SNRPA: variants seen among roughly 807,000 people sequenced by gnomAD.
SNRPA encodes the protein small nuclear ribonucleoprotein polypeptide A.
In SNRPA, 10 loss-of-function variants were observed where a neutral mutation model predicts 24.5. The observed-to-expected ratio is 0.41, with a 90% CI of 0.25 to 0.69. The LOEUF (loss-of-function observed/expected upper bound fraction) is 0.69, where lower values mean the gene tolerates loss of function less well. Among genes scored for constraint, SNRPA ranks in the 30% least tolerant of loss-of-function variants. SNRPA has a pLI of 0.33. For missense variants in SNRPA, 283 were observed against 394.7 expected (o/e 0.72, Z 2.40); for synonymous variants, 165 against 148.4 (o/e 1.11, Z -0.81).
At chr19:40,760,636 CA>C (rs1196011561) in intron 3 of SNRPA, among the ~76,000 whole-genome samples, 1 of 152,118 alleles carries the variant, frequency 6.6e-6, no homozygotes, top group Non-Finnish European at 1.5e-5. Context: ...CCTGCATGAC[CA>C]GGGGAAGCTC....
chr19:40,756,779 C>T (rs1170624013), intron 1 of SNRPA, among the ~76,000 whole-genome samples: 3 of 152,062 alleles, frequency 2.0e-5, no homozygotes, highest in East Asian at 1.9e-4. Context: ...GAAATTTAGA[C>T]GTCGTGGTCA....
At chr19:40,752,206 G>A (rs1223004405) in intron 1 of SNRPA, among the ~76,000 whole-genome samples, 1 of 151,930 alleles carries the variant, frequency 6.6e-6, no homozygotes, top group African/African-American at 2.4e-5. Flanking sequence ...GCATGGTGGC[G>A]CATGCCTATA....
rs2082857605 is a variant in SNRPA, at chr19:40,751,333, G to C, written c.-76G>C. 8.8e-7 allele frequency: 1 copy of C among 1,142,764 alleles called. No homozygotes were observed. Among genetic ancestry groups the C allele is most frequent in the Non-Finnish European group, 1.3e-6 (1 of 751,042 alleles). The allele number at this position is 1,142,764 out of a possible 1,614,324, so 70.8% of individuals were successfully genotyped here. A position where few individuals can be genotyped will look rare whatever the true frequency, so the allele number is the denominator to read the frequency against. On this transcript the variant is annotated 5_prime_UTR_variant, in exon 1 of 6. Transcript: ENST00000243563. ...GAAGATCCTTGAGCAGCCGACGTTG[G>C]GACAAAGGATTTGGAGAAACCCAGG...
chr19:40,761,567 A>G (rs1429042629), intron 3 of SNRPA, among the ~76,000 whole-genome samples: 1 of 144,470 alleles, frequency 6.9e-6, no homozygotes, highest in African/African-American at 2.6e-5. Flanking sequence ...CCTGGGTTCA[A>G]GCGAGTCTCC....
intron 1 of SNRPA, among the ~76,000 whole-genome samples, chr19:40,754,052 T>C (rs369966010): frequency 1.0e-4 from 15 of 149,452 alleles, no homozygotes; most frequent in African/African-American, 3.7e-4. Context: ...CTGCCCACCT[T>C]GGCCTCCAAA....
chr19:40,759,600 G>A lies in SNRPA; in HGVS notation c.416G>A (p.Gly139Glu). 1 of 1,602,838 alleles carries A rather than the reference G, an allele frequency of 6.2e-7. No individual in the cohort carries two copies. The change falls in exon 3 of 6, where the codon GGG becomes GAG. Residue 139 changes from glycine to glutamate, a missense_variant. Coordinates refer to ENST00000243563, the MANE Select transcript of SNRPA (RefSeq NM_004596.5). ...ACCCCCGTGGTGGGGGCTGTCCAGG[G>A]GCCTGTCCCGGTAAGCCAGGTCCCG... The part of the protein sequence containing the change: ...GATPVVGAVQ[G>E]PVPGMPPMTQ...
Position 40,757,336 on chromosome 19 carries a change from A to G in SNRPA, c.78A>G (p.Leu26=), listed in dbSNP as rs1277363213. The change falls in exon 2 of 6, where the codon CTA becomes CTG. Residue 26 remains leucine, a synonymous_variant. Coordinates refer to ENST00000243563, the MANE Select transcript of SNRPA (RefSeq NM_004596.5). The part of the protein sequence containing the change: ...NLNEKIKKDE[L]KKSLYAIFSQ... ...TCTTTTTTTCCCCCACTGCAGAGCT[A>G]AAAAAGTCCCTGTACGCCATCTTCT... is the stretch of plus-strand genomic sequence containing the variant. 1 of 1,613,690 alleles carries G rather than the reference A, an allele frequency of 6.2e-7. No homozygotes were observed. The highest frequency in any genetic ancestry group is 8.5e-7 in the Non-Finnish European group (1 of 1,179,828).
At position 40,756,023 on chromosome 19, in the gene SNRPA, G is replaced by A. The variant is rs565309366; in HGVS notation, c.74-1309G>A. Among the ~76,000 whole-genome samples, 11 of 152,276 alleles carry A rather than the reference G, an allele frequency of 7.2e-5. No individual in the cohort carries two copies. In the East Asian group the frequency reaches 2.1e-3, roughly 29 times the overall value. ...GCGATGACTCATGCCTGTAATCCCA[G>A]CACTTTGGGGAAGCCAAGGCAGGAG... On this transcript the variant is annotated intron_variant, in intron 1 of 5. Coordinates refer to ENST00000243563, the MANE Select transcript of SNRPA (RefSeq NM_004596.5).
Position 40,751,531 on chromosome 19 carries a change from C to T in SNRPA, c.73+50C>T, listed in dbSNP as rs747453852. 6.0e-6 allele frequency: 8 copies of T among 1,339,720 alleles called. No individual in the cohort carries two copies. In the South Asian group the frequency reaches 8.2e-5, roughly 14 times the overall value. 83.0% of individuals were successfully genotyped at this position (1,339,720 alleles called of 1,614,324 possible). On this transcript the variant is annotated intron_variant, in intron 1 of 5. Transcript: ENST00000243563. ...TCCAGACTGTCCCGCACGGGCTGGC[C>T]CCTCTTCCGTCCCCTGCACCCGCCT...
At chr19:40,762,664 T>G (rs2082937685) in intron 3 of SNRPA, among the ~76,000 whole-genome samples, 1 of 152,160 alleles carries the variant, frequency 6.6e-6, no homozygotes, top group Non-Finnish European at 1.5e-5. Context: ...AGTCTTGACC[T>G]CCTGTGCTCA....
At position 40,762,942 on chromosome 19, in the gene SNRPA, C is replaced by T. The variant is rs201615676; in HGVS notation, c.468C>T (p.His156=). 3.7e-6 allele frequency: 6 copies of T among 1,613,920 alleles called. No individual in the cohort carries two copies. The highest frequency in any genetic ancestry group is 1.7e-4 in the Middle Eastern group (1 of 6,054). The stretch of plus-strand genomic sequence containing the variant: ...CTCAGGCGCCCCGCATTATGCACCA[C>T]ATGCCGGGCCAGCCGCCCTACATGC... ...PMTQAPRIMH[H]MPGQPPYMPP... is the part of the protein sequence containing the mutation. The change falls in exon 4 of 6, where the codon CAC becomes CAT. Residue 156 remains histidine (H), a synonymous_variant. Coordinates refer to ENST00000243563, the MANE Select transcript of SNRPA (RefSeq NM_004596.5).
At chr19:40,756,403 C>T (rs780337751) in intron 1 of SNRPA, among the ~76,000 whole-genome samples, 3 of 151,988 alleles carry the variant, frequency 2.0e-5, no homozygotes, top group Non-Finnish European at 4.4e-5. Flanking sequence ...CAAGACCAGC[C>T]TGGGCAACAT....
chr19:40,751,629 C>A, intron 1 of SNRPA, 148 bp downstream of exon 1: 3 of 678,994 alleles, frequency 4.4e-6, no homozygotes, highest in Non-Finnish European at 5.4e-6. Context: ...TTCCTGTCTT[C>A]AACACTCCAT....
At chr19:40,757,234 G>T in intron 1 of SNRPA, 98 bp from the exon 2 acceptor site, 1 of 1,177,928 alleles carries the variant, frequency 8.5e-7, no homozygotes, top group South Asian at 1.3e-5. Flanking sequence ...TGGACCCGAG[G>T]CATTCTGGGT....
At chr19:40,762,113 T>G (rs150826348) in intron 3 of SNRPA, among the ~76,000 whole-genome samples, 1 of 152,288 alleles carries the variant, frequency 6.6e-6, no homozygotes, top group African/African-American at 2.4e-5. Context: ...TTCCAGCCCC[T>G]GAGTGTGCTG....
intron 1 of SNRPA, chr19:40,757,000 G>A (rs116016292): frequency 0.012 from 3,454 of 289,676 alleles, 72 homozygotes; most frequent in African/African-American, 0.05. Context: ...CCAGGGCCAC[G>A]TCATGCAGGC....
chr19:40,759,812 T>A (rs1208010940), intron 3 of SNRPA, among the ~76,000 whole-genome samples: 1 of 152,168 alleles, frequency 6.6e-6, no homozygotes, highest in Non-Finnish European at 1.5e-5. Flanking sequence ...AAACTCTTGT[T>A]CCCTCCTTGT....
intron 5 of SNRPA, among the ~76,000 whole-genome samples, chr19:40,764,129 G>A (rs2082944765): frequency 6.6e-6 from 1 of 152,226 alleles, no homozygotes; most frequent in Non-Finnish European, 1.5e-5. Context: ...TGCAGCCGAT[G>A]TGTAGAGGGG....
At chr19:40,762,593 CAG>C (rs1269934273) in intron 3 of SNRPA, among the ~76,000 whole-genome samples, 4 of 152,134 alleles carry the variant, frequency 2.6e-5, no homozygotes, top group Non-Finnish European at 4.4e-5. Context: ...GTTTAAGAGA[CAG>C]GGTCTTGCTC....
Sources: allele counts gnomAD v4.1 joint callset (sites outside exome capture counted in the v4.1 genomes callset), GRCh38; gene constraint gnomAD v4.1.1; transcripts MANE v1.5; gene names NCBI Gene and HGNC (gene_info 2026-07-23, HGNC 2026-07-21).